The following SORCS3 variants were observed in gnomAD, a reference collection of about 807,000 sequenced individuals.
SORCS3 encodes sortilin related VPS10 domain containing receptor 3.
A neutral mutation model predicts 146.3 loss-of-function variants in SORCS3; 57 were observed. That is an observed-to-expected ratio of 0.39 (90% CI 0.31 to 0.49). The LOEUF (loss-of-function observed/expected upper bound fraction) is 0.49, where lower values mean the gene tolerates loss of function less well. Among genes scored for constraint, SORCS3 ranks in the 20% least tolerant of loss-of-function variants. SORCS3 has a pLI of 0.92. For missense variants in SORCS3, 1,341 were observed against 1,575.5 expected (o/e 0.85, Z 2.52); for synonymous variants, 653 against 618.5 (o/e 1.06, Z -0.83).
chr10:104,977,191 A>T, intron 3 of SORCS3, 144 bp from the exon 4 acceptor site: 2 of 516,992 alleles, frequency 3.9e-6, no homozygotes, highest in Admixed American at 4.2e-5. Context: ...GAGAAAAGTT[A>T]ATACAAGTAT....
intron 20 of SORCS3, among the ~76,000 whole-genome samples, chr10:105,244,194 C>T (rs905112706): frequency 2.0e-5 from 3 of 152,068 alleles, no homozygotes; most frequent in Admixed American, 6.6e-5. Flanking sequence ...AATAATGACT[C>T]ATCAGACTGA....
intron 1 of SORCS3, among the ~76,000 whole-genome samples, chr10:104,776,847 C>G (rs569748234): frequency 2.8e-5 from 4 of 143,362 alleles, no homozygotes; most frequent in South Asian, 4.5e-4. Flanking sequence ...AATAAAAATA[C>G]AAGTACCCAA....
chr10:105,231,792 G>C (rs139589374), intron 20 of SORCS3, among the ~76,000 whole-genome samples: 1 of 152,168 alleles, frequency 6.6e-6, no homozygotes, highest in East Asian at 1.9e-4. Context: ...TCTTTAGTCT[G>C]CTGATGAGAT....
intron 3 of SORCS3, among the ~76,000 whole-genome samples, chr10:104,919,478 G>A (rs2019065346): frequency 6.6e-6 from 1 of 151,966 alleles, no homozygotes; most frequent in Non-Finnish European, 1.5e-5. Flanking sequence ...ATCACCTGAG[G>A]TCGGGAGTTC....
chr10:105,075,113 A>C, intron 5 of SORCS3, among the ~76,000 whole-genome samples: 1 of 152,104 alleles, frequency 6.6e-6, no homozygotes, highest in East Asian at 1.9e-4. Context: ...AACTCCCCGA[A>C]TTCCTCCAGC....
chr10:104,700,047 T>C (rs894061344), intron 1 of SORCS3, among the ~76,000 whole-genome samples: 1 of 152,184 alleles, frequency 6.6e-6, no homozygotes, highest in African/African-American at 2.4e-5. Flanking sequence ...GTCAAAGCAT[T>C]GCCTAAGGTT....
In SORCS3 at chr10:105,214,530, CG is replaced by C; in HGVS notation, c.2468del (p.Gly823AlafsTer5). 1 of 1,613,750 alleles carries C rather than the reference CG, an allele frequency of 6.2e-7. No individual in the cohort carries two copies. Among genetic ancestry groups the C allele is most frequent in the Non-Finnish European group, 8.5e-7 (1 of 1,179,850 alleles). ...KAQMCPGKAP[R>X]GLHVVTTDGR... ...CCAGATGTGCCCTGGAAAAGCCCCTCGGGGCCTCCATGTGGTGACGACCGAT... is the reference window on the plus strand; with the variant it reads ...CCAGATGTGCCCTGGAAAAGCCCCTCGGGCCTCCATGTGGTGACGACCGAT... On this transcript the variant is annotated frameshift_variant, in exon 18 of 27. Transcript: ENST00000369701. LOFTEE classifies it high-confidence loss of function.
chr10:104,736,042 G>A (rs780274454), intron 1 of SORCS3, among the ~76,000 whole-genome samples: 5 of 151,778 alleles, frequency 3.3e-5, no homozygotes, highest in African/African-American at 9.7e-5. Flanking sequence ...CTTTCATCTC[G>A]GCTCATCCCC....
chr10:104,942,291 A>C (rs760698773), intron 3 of SORCS3, among the ~76,000 whole-genome samples: 2 of 152,206 alleles, frequency 1.3e-5, no homozygotes, highest in African/African-American at 2.4e-5. Context: ...TTCAGTATTA[A>C]TCAGATGAAA....
At chr10:105,223,472 A>T (rs2119671792) in intron 20 of SORCS3, among the ~76,000 whole-genome samples, 1 of 152,116 alleles carries the variant, frequency 6.6e-6, no homozygotes, top group East Asian at 1.9e-4. Flanking sequence ...ACTTTGAGAA[A>T]CTCTGCAAAC....
At chr10:105,013,103 A>C (rs1476863032) in intron 4 of SORCS3, among the ~76,000 whole-genome samples, 1 of 152,180 alleles carries the variant, frequency 6.6e-6, no homozygotes, top group Non-Finnish European at 1.5e-5. Flanking sequence ...TTAAGGAGAA[A>C]AACTACATCA....
At chr10:104,694,602 T>C (rs1477782352) in intron 1 of SORCS3, among the ~76,000 whole-genome samples, 1 of 152,094 alleles carries the variant, frequency 6.6e-6, no homozygotes, top group Non-Finnish European at 1.5e-5. Context: ...CCTGTGTCCA[T>C]GTCAAGGGTG....
rs73350148 is a variant in SORCS3 at position 105,097,187 on chromosome 10, G to A, written c.1093+7348G>A. Among the ~76,000 whole-genome samples, 503 of 152,130 alleles carry A rather than the reference G, an allele frequency of 3.3e-3. 2 individuals carry two copies. Among genetic ancestry groups the A allele is most frequent in the African/African-American group, 0.012 (482 of 41,492 alleles). ...TGGTCTCTTTTCTTGTTTATATATC[G>A]GAATCTCTCCTCTGGCCTACTCCTA... On this transcript the variant is annotated intron_variant, in intron 6 of 26. Coordinates refer to ENST00000369701, the MANE Select transcript of SORCS3 (RefSeq NM_014978.3).
intron 1 of SORCS3, among the ~76,000 whole-genome samples, chr10:104,666,801 C>A (rs2015783905): frequency 6.6e-6 from 1 of 151,978 alleles, no homozygotes; most frequent in African/African-American, 2.4e-5. Flanking sequence ...GAGATGGGGT[C>A]TCACTGTGTT....
At chr10:104,939,634 CTG>C (rs1277174823) in intron 3 of SORCS3, among the ~76,000 whole-genome samples, 1 of 152,152 alleles carries the variant, frequency 6.6e-6, no homozygotes, top group African/African-American at 2.4e-5. Context: ...GCCAGCCAAA[CTG>C]TCCCTGAGAC....
intron 7 of SORCS3, among the ~76,000 whole-genome samples, chr10:105,121,363 A>G (rs752308237): frequency 6.6e-6 from 1 of 152,142 alleles, no homozygotes; most frequent in Non-Finnish European, 1.5e-5. Flanking sequence ...TTATTTTTCT[A>G]TGGAGGAAAC....
chr10:105,124,326 G>T (rs1272826267), intron 7 of SORCS3, among the ~76,000 whole-genome samples: 1 of 152,148 alleles, frequency 6.6e-6, no homozygotes, highest in Non-Finnish European at 1.5e-5. Context: ...ACTTTCCTGG[G>T]GTGGAATGCT....
At chr10:105,238,264 G>A (rs1564792221) in intron 20 of SORCS3, among the ~76,000 whole-genome samples, 1 of 152,214 alleles carries the variant, frequency 6.6e-6, no homozygotes, top group African/African-American at 2.4e-5. Flanking sequence ...GCAAAGCAGT[G>A]TAAATTCCAT....
intron 1 of SORCS3, among the ~76,000 whole-genome samples, chr10:104,791,304 A>C (rs1278576441): frequency 6.6e-6 from 1 of 152,196 alleles, no homozygotes; most frequent in Admixed American, 6.5e-5. Context: ...AAACAAACAT[A>C]TCAGTTGAAA....
Sources: gnomAD v4.1 joint callset for allele counts (sites outside exome capture counted in the v4.1 genomes callset) on GRCh38, gnomAD v4.1.1 for gene constraint, MANE v1.5 for transcripts, NCBI Gene and HGNC (gene_info 2026-07-23, HGNC 2026-07-21) for gene names.